PIEZO2: variants seen among roughly 807,000 people sequenced by gnomAD.
PIEZO2 encodes the protein piezo-type mechanosensitive ion channel component 2.
A neutral mutation model predicts 337.3 loss-of-function variants in PIEZO2; 172 were observed. The observed-to-expected ratio is 0.51, with a 90% CI of 0.45 to 0.58. The LOEUF (loss-of-function observed/expected upper bound fraction) is 0.58, where lower values mean the gene tolerates loss of function less well. Among genes scored for constraint, PIEZO2 ranks in the 20% least tolerant of loss-of-function variants. The pLI is 0.00. For synonymous variants in PIEZO2, 1,251 were observed against 1,228.5 expected (o/e 1.02, Z -0.38); for missense variants, 3,028 against 3,391.3 (o/e 0.89, Z 2.66).
intron 4 of PIEZO2, chr18:10,908,530 T>C (rs1372458478): frequency 6.6e-6 from 1 of 152,232 alleles, no homozygotes; most frequent in East Asian, 1.9e-4. Context: ...AAGCCATATA[T>C]AACAGTACTG....
At chr18:10,992,108 TC>T (rs2035133009) in intron 2 of PIEZO2, among the ~76,000 whole-genome samples, 1 of 152,228 alleles carries the variant, frequency 6.6e-6, no homozygotes, top group Non-Finnish European at 1.5e-5. Context: ...TTGTTTAAGC[TC>T]TTTGTAGATT....
chr18:11,118,776 A>G (rs1598987910), intron 1 of PIEZO2, among the ~76,000 whole-genome samples: 2 of 151,974 alleles, frequency 1.3e-5, no homozygotes, highest in Non-Finnish European at 2.9e-5. Context: ...AAACAGAGAG[A>G]GAGAGCGACG....
chr18:10,897,485 G>A (rs534272680), intron 4 of PIEZO2, among the ~76,000 whole-genome samples: 6 of 152,242 alleles, frequency 3.9e-5, no homozygotes, highest in South Asian at 4.1e-4. Flanking sequence ...CACCACACCC[G>A]GCCCAGATCT....
intron 4 of PIEZO2, among the ~76,000 whole-genome samples, chr18:10,881,885 T>C (rs890015427): frequency 7.2e-5 from 11 of 152,098 alleles, no homozygotes; most frequent in Non-Finnish European, 1.0e-4. Context: ...ACAGTACTCT[T>C]TTTTTTGCCA....
At position 11,002,352 on chromosome 18, in the gene PIEZO2, T is replaced by C. The variant is rs2035574299; in HGVS notation, c.161-22692A>G. Among the ~76,000 whole-genome samples the C allele has an allele frequency of 6.6e-6, 1 of 152,220 alleles. No individual in the cohort carries two copies. Among genetic ancestry groups the C allele is most frequent in the African/African-American group, 2.4e-5 (1 of 41,464 alleles). The stretch of plus-strand genomic sequence containing the variant: ...GAAAGCATACTTCAGAGTAAAATTT[T>C]CATCAGTAAAAAGAAACCAAAAGGA... On this transcript the variant is annotated intron_variant, in intron 2 of 55. Coordinates refer to ENST00000674853, the MANE Select transcript of PIEZO2 (RefSeq NM_001378183.1). This position sits in a 1 kb window ranked among gnomAD's most constrained non-coding sequence, Gnocchi z 4.3.
intron 3 of PIEZO2, among the ~76,000 whole-genome samples, chr18:10,915,504 C>A (rs1336817940): frequency 6.6e-6 from 1 of 152,172 alleles, no homozygotes; most frequent in East Asian, 1.9e-4. Flanking sequence ...GCAAGTTTAA[C>A]AATTTCTAGC....
At chr18:10,991,770 G>C (rs2035114342) in intron 2 of PIEZO2, among the ~76,000 whole-genome samples, 1 of 152,098 alleles carries the variant, frequency 6.6e-6, no homozygotes, top group Admixed American at 6.5e-5. Flanking sequence ...GGGTCAAATG[G>C]TATTTCTAGT....
chr18:10,689,239 C>T (rs546242103), intron 49 of PIEZO2, among the ~76,000 whole-genome samples: 1 of 152,100 alleles, frequency 6.6e-6, no homozygotes, highest in Non-Finnish European at 1.5e-5. Context: ...ATTTGCACTT[C>T]AATTTTCTTT....
At chr18:11,064,462 G>A (rs1315221875) in intron 2 of PIEZO2, among the ~76,000 whole-genome samples, 1 of 152,200 alleles carries the variant, frequency 6.6e-6, no homozygotes, top group Non-Finnish European at 1.5e-5. Flanking sequence ...TTTGTGCACT[G>A]ACCTTGTAAC....
At chr18:10,697,702 A>G (rs2035156266) in intron 45 of PIEZO2, 46 bp downstream of exon 45, 3 of 1,596,514 alleles carry the variant, frequency 1.9e-6, no homozygotes, top group South Asian at 2.3e-5. Flanking sequence ...ATAAAGCCCA[A>G]AACCCTACAA....
At chr18:10,901,727 G>A (rs183024483) in intron 4 of PIEZO2, among the ~76,000 whole-genome samples, 16 of 152,224 alleles carry the variant, frequency 1.1e-4, no homozygotes, top group Admixed American at 1.0e-3. Flanking sequence ...AGTAGAATAT[G>A]ATTACTATTA....
At chr18:10,983,550 C>T (rs1239343599) in intron 2 of PIEZO2, among the ~76,000 whole-genome samples, 1 of 152,094 alleles carries the variant, frequency 6.6e-6, no homozygotes, top group Non-Finnish European at 1.5e-5. Context: ...AGGAATAAGC[C>T]TAGGAGCAGG....
At chr18:10,816,921 A>C (rs1207435311) in intron 7 of PIEZO2, among the ~76,000 whole-genome samples, 1 of 152,160 alleles carries the variant, frequency 6.6e-6, no homozygotes, top group Admixed American at 6.6e-5. Context: ...AAAACATTGA[A>C]GATACGTTGG....
intron 3 of PIEZO2, among the ~76,000 whole-genome samples, chr18:10,958,874 T>C (rs2033650368): frequency 6.6e-6 from 1 of 152,162 alleles, no homozygotes; most frequent in African/African-American, 2.4e-5. Context: ...CTATGAGAAT[T>C]GTATATTATT....
intron 3 of PIEZO2, among the ~76,000 whole-genome samples, chr18:10,938,311 A>G (rs9945379): frequency 0.44 from 66,475 of 152,076 alleles, 14,966 homozygotes; most frequent in Non-Finnish European, 0.5. Context: ...TACTTTGCAA[A>G]GAGATAAGTG....
At chr18:10,907,055 T>C (rs541074258) in intron 4 of PIEZO2, among the ~76,000 whole-genome samples, 1 of 152,294 alleles carries the variant, frequency 6.6e-6, no homozygotes, top group Admixed American at 6.5e-5. Context: ...GTTGCTACAC[T>C]TCCCAGAAAT....
chr18:10,826,027 A>G (rs2040667140), intron 7 of PIEZO2, among the ~76,000 whole-genome samples: 1 of 152,228 alleles, frequency 6.6e-6, no homozygotes, highest in Non-Finnish European at 1.5e-5. Context: ...TATGCATTTT[A>G]TACCCAAGGT....
intron 38 of PIEZO2, 91 bp from the exon 39 acceptor site, chr18:10,715,021 C>A (rs2035957324): frequency 1.6e-6 from 2 of 1,268,724 alleles, no homozygotes; most frequent in Non-Finnish European, 2.2e-6. Context: ...CTTTTCATAC[C>A]CATGCATGCC....
intron 14 of PIEZO2, 145 bp downstream of exon 14, chr18:10,791,056 T>C: frequency 2.1e-6 from 2 of 975,018 alleles, no homozygotes; most frequent in Non-Finnish European, 2.8e-6. Context: ...ACCTCAAAAG[T>C]CACACGCTGT....
Sources: allele counts gnomAD v4.1 joint callset (sites outside exome capture counted in the v4.1 genomes callset), GRCh38; gene constraint gnomAD v4.1.1; non-coding constraint Gnocchi (gnomAD v3.1); transcripts MANE v1.5; gene names NCBI Gene and HGNC (gene_info 2026-07-23, HGNC 2026-07-21).